The following CNTN5 variants were observed in gnomAD, a reference collection of about 807,000 sequenced individuals.
CNTN5 encodes contactin 5.
A neutral mutation model predicts 129.1 loss-of-function variants in CNTN5; 77 were observed. The ratio of observed to expected loss-of-function variants is 0.60; its 90% CI spans 0.50 to 0.72. The LOEUF (loss-of-function observed/expected upper bound fraction) is 0.72. Ranked by LOEUF, CNTN5 falls within the 30% of genes least tolerant of loss-of-function variation. The pLI, the probability that CNTN5 is intolerant of heterozygous loss-of-function variation, is 0.00. For synonymous variants in CNTN5, 509 were observed against 465.6 expected, an observed-to-expected ratio of 1.09 and a Z score of -1.20; for missense variants, 1,478 against 1,328.8, an observed-to-expected ratio of 1.11 and a Z score of -1.75.
At chr11:99,384,791 A>G (rs930437662) in intron 2 of CNTN5, among the ~76,000 whole-genome samples, 1 of 152,216 alleles carries the variant, frequency 6.6e-6, no homozygotes, top group African/African-American at 2.4e-5. Context: ...GTATATATGG[A>G]ATACAATGTG....
At chr11:99,993,391 A>G (rs1233892202) in intron 8 of CNTN5, among the ~76,000 whole-genome samples, 1 of 152,144 alleles carries the variant, frequency 6.6e-6, no homozygotes, top group East Asian at 1.9e-4. Flanking sequence ...CTAAAAGAAG[A>G]AGGGTAAATT....
At chr11:99,277,912 C>G (rs1238046409) in intron 1 of CNTN5, among the ~76,000 whole-genome samples, 2 of 151,590 alleles carry the variant, frequency 1.3e-5, no homozygotes, top group African/African-American at 4.8e-5. Context: ...CACAACAATG[C>G]AGAACTGGGT....
chr11:99,699,006 A>G (rs993214628), intron 3 of CNTN5, among the ~76,000 whole-genome samples: 7 of 151,278 alleles, frequency 4.6e-5, no homozygotes, highest in Non-Finnish European at 1.0e-4. Context: ...TTCCTGAATA[A>G]ATGCAAAGAG....
intron 6 of CNTN5, among the ~76,000 whole-genome samples, chr11:99,856,094 G>A (rs1317847323): frequency 1.3e-5 from 2 of 152,160 alleles, no homozygotes; most frequent in Non-Finnish European, 2.9e-5. Flanking sequence ...TTACCTACGT[G>A]TTGTGCAGAA....
At chr11:99,450,227 C>T (rs1273151994) in intron 2 of CNTN5, among the ~76,000 whole-genome samples, 2 of 150,336 alleles carry the variant, frequency 1.3e-5, no homozygotes, top group Non-Finnish European at 3.0e-5. Context: ...AAATATTTCT[C>T]ACTATTTGGC....
intron 9 of CNTN5, among the ~76,000 whole-genome samples, chr11:100,008,948 A>G (rs1940351147): frequency 6.6e-6 from 1 of 152,120 alleles, no homozygotes; most frequent in African/African-American, 2.4e-5. Context: ...AATGGTGTTC[A>G]GTTTTTGTTA....
intron 8 of CNTN5, among the ~76,000 whole-genome samples, chr11:100,000,765 T>G (rs1435312775): frequency 6.6e-6 from 1 of 152,188 alleles, no homozygotes; most frequent in South Asian, 2.1e-4. Context: ...CATACACCCT[T>G]GAAATCTAGG....
At chr11:99,592,979 G>T (rs996383696) in intron 3 of CNTN5, among the ~76,000 whole-genome samples, 1 of 152,086 alleles carries the variant, frequency 6.6e-6, no homozygotes, top group Non-Finnish European at 1.5e-5. Context: ...GAGAGAAAAA[G>T]GGAGGCAATG....
At chr11:99,259,048 A>G (rs1452278277) in intron 1 of CNTN5, among the ~76,000 whole-genome samples, 2 of 151,946 alleles carry the variant, frequency 1.3e-5, no homozygotes, top group East Asian at 1.9e-4. Context: ...TTATGATATA[A>G]CACTTTGTTT....
At chr11:99,474,903 C>T (rs533286339) in intron 2 of CNTN5, among the ~76,000 whole-genome samples, 3 of 152,230 alleles carry the variant, frequency 2.0e-5, no homozygotes, top group Non-Finnish European at 2.9e-5. Context: ...GTAGTTTTTT[C>T]TCTTAGATGT....
At chr11:99,264,243 T>A (rs1176593434) in intron 1 of CNTN5, among the ~76,000 whole-genome samples, 1 of 151,464 alleles carries the variant, frequency 6.6e-6, no homozygotes, top group African/African-American at 2.4e-5. Context: ...ATTATTTAAT[T>A]ATTCTTGATT....
chr11:100,088,257 T>C (rs1162257722), intron 13 of CNTN5, among the ~76,000 whole-genome samples: 8 of 151,628 alleles, frequency 5.3e-5, no homozygotes, highest in African/African-American at 1.9e-4. Context: ...AAGAGGGAAG[T>C]TTACAGCACT....
chr11:100,242,381 T>G (rs1949760067), intron 16 of CNTN5, among the ~76,000 whole-genome samples: 1 of 152,220 alleles, frequency 6.6e-6, no homozygotes, highest in South Asian at 2.1e-4. Context: ...ACTTGTTTAT[T>G]GACTTTCTTC....
Position 100,341,181 on chromosome 11 carries a change from C to A in CNTN5, c.3006C>A (p.Asn1002Lys). Residue 1002 changes from asparagine (N) to lysine (K), a missense_variant, in exon 23 of 25, where the codon AAC becomes AAA. By Grantham distance (94) the Asn-to-Lys change is moderately conservative. Transcript: ENST00000524871. ...GGGAACCCGTCATACCATTAGCCAA[C>A]GAATCTGAAGTTGTGGGTTACAAGG... is the stretch of plus-strand genomic sequence containing the variant. ...LGWEPVIPLA[N>K]ESEVVGYKVF... is the part of the protein sequence containing the mutation. The A allele has an allele frequency of 1.9e-6, 3 of 1,613,642 alleles. No homozygotes were observed. In the South Asian group the frequency reaches 3.3e-5, roughly 18 times the overall value.
intron 2 of CNTN5, among the ~76,000 whole-genome samples, chr11:99,357,817 T>G (rs1013786544): frequency 6.6e-6 from 1 of 151,532 alleles, no homozygotes; most frequent in Non-Finnish European, 1.5e-5. Flanking sequence ...TCATCTGTTA[T>G]TTATATCTAT....
intron 2 of CNTN5, among the ~76,000 whole-genome samples, chr11:99,510,923 T>A (rs1322619886): frequency 6.6e-6 from 1 of 152,156 alleles, no homozygotes; most frequent in Non-Finnish European, 1.5e-5. Flanking sequence ...TCATAGGAGA[T>A]GACAGCTTCG....
intron 1 of CNTN5, among the ~76,000 whole-genome samples, chr11:99,275,916 T>C (rs565394351): frequency 2.0e-5 from 3 of 151,470 alleles, no homozygotes; most frequent in African/African-American, 7.3e-5. Flanking sequence ...TGAAAGAACA[T>C]GGATACAGAA....
intron 3 of CNTN5, among the ~76,000 whole-genome samples, chr11:99,786,445 T>G (rs1394053127): frequency 6.6e-6 from 1 of 152,142 alleles, no homozygotes; most frequent in Non-Finnish European, 1.5e-5. Flanking sequence ...AATTTATAGA[T>G]TCAATGCTAT....
intron 2 of CNTN5, among the ~76,000 whole-genome samples, chr11:99,366,002 C>T (rs1450287500): frequency 6.6e-6 from 1 of 152,118 alleles, no homozygotes; most frequent in African/African-American, 2.4e-5. Context: ...GTTTTAGCAA[C>T]AGTGTCATGA....
Sources: gnomAD v4.1 joint callset for allele counts (sites outside exome capture counted in the v4.1 genomes callset) on GRCh38, gnomAD v4.1.1 for gene constraint, MANE v1.5 for transcripts, NCBI Gene and HGNC (gene_info 2026-07-23, HGNC 2026-07-21) for gene names.